Variants in MCRS1 observed in about 807,000 individuals in gnomAD.
MCRS1 encodes the protein 58 kDa microspherule protein.
In MCRS1, 22 loss-of-function variants were observed where a neutral mutation model predicts 62.9. The ratio of observed to expected loss-of-function variants is 0.35; its 90% CI spans 0.25 to 0.50. MCRS1 has a LOEUF of 0.50. MCRS1 is among the 20% of genes least tolerant of loss of function. MCRS1 has a pLI of 0.98. For synonymous variants in MCRS1, 244 were observed against 233.5 expected, an observed-to-expected ratio of 1.04 and a Z score of -0.41; for missense variants, 456 against 601.1, an observed-to-expected ratio of 0.76 and a Z score of 2.52.
chr12:49,565,500 C>A, intron 4 of MCRS1, 29 bp downstream of exon 4: 1 of 1,555,606 alleles, frequency 6.4e-7, no homozygotes. Flanking sequence ...GGCACTACCT[C>A]CCATCCCCTA....
intron 5 of MCRS1, 59 bp downstream of exon 5, chr12:49,564,678 G>A (rs1488122103): frequency 6.2e-7 from 1 of 1,603,274 alleles, no homozygotes; most frequent in Admixed American, 1.7e-5. Flanking sequence ...GGCTAATTTT[G>A]GGGTGCGAAC....
At chr12:49,565,236 A>G in intron 4 of MCRS1, 1 of 985,410 alleles carries the variant, frequency 1.0e-6, no homozygotes, top group Non-Finnish European at 1.2e-6. Context: ...GGTTATTTTT[A>G]CACTCTGCAA....
In MCRS1 at chr12:49,559,424, TAAG is replaced by T. The variant is rs766714316; in HGVS notation, c.1086+26_1086+28del. On this transcript the variant is annotated intron_variant, in intron 12 of 14. Transcript: ENST00000343810. This position sits in a 1 kb window ranked among gnomAD's most constrained non-coding sequence, Gnocchi z 5.2. ...AAAGGCACTGACAGAGGAAGCAGCC[TAAG>T]AAGGGCGGGGATGGGCCTGCCTCAC... 3 of 1,613,626 alleles carry T rather than the reference TAAG, an allele frequency of 1.9e-6. No homozygotes were observed. Among genetic ancestry groups the T allele is most frequent in the South Asian group, 2.2e-5 (2 of 91,070 alleles).
Position 49,564,722 on chromosome 12 carries a change from T to C in MCRS1, c.447+15A>G. The C allele has an allele frequency of 6.2e-7, 1 of 1,606,250 alleles. No homozygotes were observed. The highest frequency in any genetic ancestry group is 8.5e-7 in the Non-Finnish European group (1 of 1,174,902). ...GGGGGAAAGGGGCACACTGAGCCTATGGTGGGGGCACTACCTGCAACACAG... is the reference window on the plus strand; with the variant it reads ...GGGGGAAAGGGGCACACTGAGCCTACGGTGGGGGCACTACCTGCAACACAG... On this transcript the variant is annotated intron_variant, in intron 5 of 14. Coordinates refer to ENST00000343810, the MANE Select transcript of MCRS1 (RefSeq NM_006337.5).
chr12:49,560,373 G>A lies in MCRS1; in HGVS notation c.806-3C>T, dbSNP rs575101126. 1.7e-5 allele frequency: 27 copies of A among 1,614,124 alleles called. No homozygotes were observed. The highest frequency in any genetic ancestry group is 8.8e-5 in the South Asian group (8 of 91,080). On this transcript the variant is annotated splice_polypyrimidine_tract_variant and splice_region_variant and intron_variant, in intron 8 of 14. Transcript: ENST00000343810. ...GTCCCCTTTGGGCAGCGGCTGCACT[G>A]AACAAAGGACAGAGAAAGCGTGAGC...
In MCRS1 at chr12:49,563,235, G is replaced by A. The variant is rs970633983; in HGVS notation, c.667-96C>T. 2.0e-6 allele frequency: 3 copies of A among 1,511,948 alleles called. No individual in the cohort carries two copies. In the African/African-American group the frequency reaches 4.2e-5, roughly 21 times the overall value. The allele number at this position is 1,511,948 out of a possible 1,614,324, so 93.7% of individuals were successfully genotyped here. A position where few individuals can be genotyped will look rare whatever the true frequency, so the allele number is the denominator to read the frequency against. On this transcript the variant is annotated intron_variant, in intron 7 of 14. Transcript: ENST00000343810. ...CCTCCCACCTCAGCATCCCCCAGGA[G>A]CTGGAAGAAGCAAGCTAGTCACCCA...
Position 49,563,116 on chromosome 12 carries a change from G to A in MCRS1, c.690C>T (p.Thr230=). The A allele has an allele frequency of 6.4e-7, 1 of 1,563,258 alleles. No individual in the cohort carries two copies. The highest frequency in any genetic ancestry group is 8.7e-7 in the Non-Finnish European group (1 of 1,152,546). ...VGSTSQPTLE[T]FQDLLHRHPD... ...GGTGTCTGTGCAGCAGGTCCTGGAA[G>A]GTCTCCAAGGTGGGCTGGCTGGTCT... Residue 230 remains threonine, a synonymous_variant, in exon 8 of 15, where the codon ACC becomes ACT. Transcript: ENST00000343810.
At chr12:49,560,029 A>C in intron 9 of MCRS1, 62 bp from the exon 10 acceptor site, 779 of 1,602,152 alleles carry the variant, frequency 4.9e-4, no homozygotes, top group Middle Eastern at 6.7e-4. Flanking sequence ...TACTTGGCTC[A>C]TTAGGGCATC....
In MCRS1 at chr12:49,558,885, G is replaced by A. The variant is rs2303305; in HGVS notation, c.1260C>T (p.Leu420=). ...TGCTGAGGCGCCATTTGGAGCCACA[G>A]AGCACCGGCCGTCCATCGATGTAGA... ...RPIYIDGRPV[L]CGSKWRLSNN... The change falls in exon 14 of 15, where the codon CTC becomes CTT. Residue 420 remains leucine (L), a synonymous_variant. Coordinates refer to ENST00000343810, the MANE Select transcript of MCRS1 (RefSeq NM_006337.5). 146,622 of 1,612,900 alleles carry A rather than the reference G, an allele frequency of 0.091. 7,043 individuals carry two copies. The highest frequency in any genetic ancestry group is 0.18 in the African/African-American group (13,277 of 74,976).
chr12:49,563,087 T>A lies in MCRS1; in HGVS notation c.719A>T (p.Asp240Val). The A allele has an allele frequency of 1.3e-6, 2 of 1,569,094 alleles. No homozygotes were observed. The highest frequency in any genetic ancestry group is 1.7e-6 in the Non-Finnish European group (2 of 1,155,240). ...TFQDLLHRHP[D>V]AFYLARTAKA... Reference sequence around the variant, plus strand: ...CGCGGTACGGGCCAGGTAGAAGGCATCAGGGTGTCTGTGCAGCAGGTCCTG... The same window carrying A: ...CGCGGTACGGGCCAGGTAGAAGGCAACAGGGTGTCTGTGCAGCAGGTCCTG... Residue 240 changes from aspartate to valine, a missense_variant, in exon 8 of 15, where the codon GAT becomes GTT. Coordinates refer to ENST00000343810, the MANE Select transcript of MCRS1 (RefSeq NM_006337.5).
intron 4 of MCRS1, 79 bp from the exon 5 acceptor site, chr12:49,564,974 C>T (rs1200804347): frequency 1.3e-6 from 2 of 1,492,000 alleles, no homozygotes; most frequent in Non-Finnish European, 1.8e-6. Context: ...GTTTCACATA[C>T]TCTGTGGCAG....
Position 49,560,503 on chromosome 12 carries a change from C to A in MCRS1, c.806-133G>T. On this transcript the variant is annotated intron_variant, in intron 8 of 14. Transcript: ENST00000343810. ...CCCAGCACCAGCAAGGGTGCCCATA[C>A]CAGATTAGGCTGGGCTCTAATTTGG... The A allele has an allele frequency of 9.3e-6, 7 of 752,798 alleles. 1 individual carries two copies. The South Asian group carries it at 1.1e-4, about 12-fold the overall frequency. 46.6% of individuals were successfully genotyped at this position (752,798 alleles called of 1,614,324 possible).
At chr12:49,566,545 C>T in intron 2 of MCRS1, 177 bp downstream of exon 2, 2 of 1,478,154 alleles carry the variant, frequency 1.4e-6, no homozygotes, top group South Asian at 1.2e-5. Context: ...TAAAGAGCAG[C>T]AGCTCAACAG....
At chr12:49,562,867 TGAGG>T in intron 8 of MCRS1, 130 bp downstream of exon 8, 1 of 1,170,700 alleles carries the variant, frequency 8.5e-7, no homozygotes, top group African/African-American at 1.5e-5. Context: ...TTTTGCAATG[TGAGG>T]TGAACAAGAC....
intron 3 of MCRS1, 91 bp from the exon 4 acceptor site, chr12:49,565,758 T>C (rs1939025785): frequency 6.4e-7 from 1 of 1,571,290 alleles, no homozygotes; most frequent in South Asian, 1.1e-5. Context: ...AGGTGCCCAG[T>C]AGGGTGCTAT....
At position 49,559,037 on chromosome 12, in the gene MCRS1, G is replaced by GA; in HGVS notation, c.1175-68dup. On this transcript the variant is annotated intron_variant, in intron 13 of 14. Coordinates refer to ENST00000343810, the MANE Select transcript of MCRS1 (RefSeq NM_006337.5). This position sits in a 1 kb window ranked among gnomAD's most constrained non-coding sequence, Gnocchi z 5.2. ...GGATTGATGGGATGGGGAAAGGCCA[G>GA]AGAGAGCCAGGAGCTTCCATGGACC... The GA allele has an allele frequency of 6.3e-7, 1 of 1,598,044 alleles. No individual in the cohort carries two copies.
At chr12:49,567,453 T>C (rs1304101193) in intron 1 of MCRS1, among the ~76,000 whole-genome samples, 2 of 151,986 alleles carry the variant, frequency 1.3e-5, no homozygotes, top group African/African-American at 4.8e-5. Context: ...TACTGGACTT[T>C]CTCGGGGCGC....
chr12:49,563,392 C>T, intron 7 of MCRS1, 46 bp downstream of exon 7: 1 of 1,559,144 alleles, frequency 6.4e-7, no homozygotes. Context: ...GGTGGTCCAG[C>T]TCTCGCTGTG....
intron 6 of MCRS1, 45 bp downstream of exon 6, chr12:49,564,436 T>C: frequency 6.5e-7 from 1 of 1,529,162 alleles, no homozygotes; most frequent in Admixed American, 1.8e-5. Flanking sequence ...ACCCAAATTC[T>C]GGTGTCCCAG....
Sources: gnomAD v4.1 joint callset for allele counts (sites outside exome capture counted in the v4.1 genomes callset) on GRCh38, gnomAD v4.1.1 for gene constraint, Gnocchi (gnomAD v3.1) non-coding constraint, MANE v1.5 for transcripts, NCBI Gene and HGNC (gene_info 2026-07-23, HGNC 2026-07-21) for gene names.